NRXN3: variants seen among roughly 807,000 people sequenced by gnomAD.
NRXN3 encodes neurexin III.
NRXN3 carries 32 observed loss-of-function variants against 137.6 expected under a neutral mutation model. That is an observed-to-expected ratio of 0.23 (90% CI 0.18 to 0.31). The LOEUF is 0.31. Among genes scored for constraint, NRXN3 ranks in the 10% least tolerant of loss-of-function variants. The pLI is 1.00. For missense variants in NRXN3, 1,574 were observed against 2,062.5 expected, an observed-to-expected ratio of 0.76 and a Z score of 4.59; for synonymous variants, 798 against 784.5, an observed-to-expected ratio of 1.02 and a Z score of -0.29.
chr14:79,347,640 C>T (rs1308049746), intron 15 of NRXN3, among the ~76,000 whole-genome samples: 1 of 152,060 alleles, frequency 6.6e-6, no homozygotes, highest in African/African-American at 2.4e-5. Flanking sequence ...CCAGGATGGT[C>T]TGGATCTCCT....
intron 10 of NRXN3, among the ~76,000 whole-genome samples, chr14:78,942,210 T>A (rs1300831251): frequency 6.6e-6 from 1 of 152,190 alleles, no homozygotes; most frequent in Non-Finnish European, 1.5e-5. Context: ...CCTTCAAACC[T>A]GCCAAGTACT....
intron 19 of NRXN3, among the ~76,000 whole-genome samples, chr14:79,780,090 T>C (rs1306178638): frequency 6.6e-6 from 1 of 152,074 alleles, no homozygotes; most frequent in Non-Finnish European, 1.5e-5. Flanking sequence ...TCCACAATTC[T>C]ATTTTCCCAT....
At chr14:79,493,960 T>C (rs1348381421) in intron 16 of NRXN3, among the ~76,000 whole-genome samples, 2 of 152,222 alleles carry the variant, frequency 1.3e-5, no homozygotes, top group Non-Finnish European at 2.9e-5. Context: ...TCTGTCAGAC[T>C]TTAAGTTCCT....
chr14:79,352,747 T>C (rs1192170067), intron 15 of NRXN3, among the ~76,000 whole-genome samples: 2 of 152,254 alleles, frequency 1.3e-5, no homozygotes, highest in Non-Finnish European at 2.9e-5. Context: ...TCTGCATAGA[T>C]GTAAAAACAA....
intron 15 of NRXN3, among the ~76,000 whole-genome samples, chr14:79,219,853 G>T (rs1170682436): frequency 6.6e-6 from 1 of 152,108 alleles, no homozygotes; most frequent in Non-Finnish European, 1.5e-5. Context: ...AGGCAGAGTT[G>T]TTTTCCCATC....
chr14:78,962,691 C>G (rs903641088), intron 11 of NRXN3, among the ~76,000 whole-genome samples: 1 of 151,906 alleles, frequency 6.6e-6, no homozygotes, highest in Non-Finnish European at 1.5e-5. Flanking sequence ...CACAGTGAAG[C>G]CAATTCTTTT....
At chr14:78,319,755 G>A (rs1449589137) in intron 4 of NRXN3, among the ~76,000 whole-genome samples, 1 of 152,188 alleles carries the variant, frequency 6.6e-6, no homozygotes, top group African/African-American at 2.4e-5. Context: ...CAAATGCAAT[G>A]TTGGTCTTGC....
chr14:78,944,685 A>G (rs750439310), intron 10 of NRXN3, among the ~76,000 whole-genome samples: 7 of 152,200 alleles, frequency 4.6e-5, no homozygotes, highest in Admixed American at 6.5e-5. Context: ...GGAAGGGACA[A>G]AAATGATTCT....
chr14:78,740,419 A>G (rs1425629155), intron 8 of NRXN3, among the ~76,000 whole-genome samples: 1 of 151,352 alleles, frequency 6.6e-6, no homozygotes, highest in African/African-American at 2.4e-5. Context: ...TCAACCTACT[A>G]TCTTTCCATC....
rs368121332 is a variant in NRXN3, at chr14:78,974,459, G to A, written c.3142+6113G>A. Among the ~76,000 whole-genome samples the A allele has an allele frequency of 1.3e-4, 20 of 152,308 alleles. No individual in the cohort carries two copies. In the South Asian group the frequency reaches 1.9e-3, roughly 14 times the overall value. On this transcript the variant is annotated intron_variant, in intron 14 of 20. Transcript: ENST00000335750. ...GAAAGTTCTCATCCAAAGGAATAAT[G>A]GTTTGTAGGGAGAAGTGAGTCATTG...
At position 78,906,457 on chromosome 14, in the gene NRXN3, C is replaced by T. The variant is rs529207620; in HGVS notation, c.2276-50785C>T. Among the ~76,000 whole-genome samples, 30 of 152,214 alleles carry T rather than the reference C, an allele frequency of 2.0e-4. No individual in the cohort carries two copies. In the South Asian group the frequency reaches 6.2e-3, roughly 31 times the overall value. ...CACCACTCAAATATCATCTCCACCA[C>T]CAACTTGCCTTGATCCCTAGAAATA... On this transcript the variant is annotated intron_variant, in intron 10 of 20. Coordinates refer to ENST00000335750, the MANE Select transcript of NRXN3 (RefSeq NM_001330195.2).
intron 4 of NRXN3, among the ~76,000 whole-genome samples, chr14:78,493,561 A>G (rs765815711): frequency 1.3e-5 from 2 of 148,286 alleles, no homozygotes; most frequent in African/African-American, 2.5e-5. Context: ...TAAATAAATA[A>G]ATAAAAAGAA....
chr14:78,767,425 C>A (rs1280007899), intron 8 of NRXN3, among the ~76,000 whole-genome samples: 1 of 152,132 alleles, frequency 6.6e-6, no homozygotes, highest in Non-Finnish European at 1.5e-5. Context: ...GGATTCCCAC[C>A]CATCCTCAAG....
chr14:79,592,017 T>C (rs2097808567), intron 16 of NRXN3, among the ~76,000 whole-genome samples: 1 of 152,176 alleles, frequency 6.6e-6, no homozygotes, highest in Admixed American at 6.5e-5. Context: ...TCCATCCACA[T>C]CCCTATAACA....
intron 4 of NRXN3, among the ~76,000 whole-genome samples, chr14:78,449,451 T>G (rs1256880491): frequency 6.6e-6 from 1 of 152,214 alleles, no homozygotes; most frequent in Non-Finnish European, 1.5e-5. Flanking sequence ...TGGCCCCAAG[T>G]GATCCACCTG....
intron 10 of NRXN3, among the ~76,000 whole-genome samples, chr14:78,821,885 C>A (rs780504074): frequency 2.0e-5 from 3 of 152,142 alleles, no homozygotes; most frequent in Non-Finnish European, 4.4e-5. Context: ...ACTAATAGAA[C>A]CAATTTACAA....
chr14:79,735,043 G>A (rs529483612), intron 19 of NRXN3, among the ~76,000 whole-genome samples: 145 of 152,218 alleles, frequency 9.5e-4, no homozygotes, highest in Non-Finnish European at 1.9e-3. Context: ...CTTGGTAGGG[G>A]GGAATGTAAT....
At chr14:78,382,413 ATGTG>A (rs1192714432) in intron 4 of NRXN3, among the ~76,000 whole-genome samples, 1 of 152,180 alleles carries the variant, frequency 6.6e-6, no homozygotes, top group African/African-American at 2.4e-5. Flanking sequence ...CATTCTGTGT[ATGTG>A]TTAGGGGGAC....
chr14:79,410,552 A>G (rs991975880), intron 15 of NRXN3, among the ~76,000 whole-genome samples: 1 of 152,010 alleles, frequency 6.6e-6, no homozygotes, highest in Non-Finnish European at 1.5e-5. Flanking sequence ...AATATCAAGT[A>G]ATAATTAAAG....
Sources: allele counts gnomAD v4.1 joint callset (sites outside exome capture counted in the v4.1 genomes callset), GRCh38; gene constraint gnomAD v4.1.1; transcripts MANE v1.5; gene names NCBI Gene and HGNC (gene_info 2026-07-23, HGNC 2026-07-21).